Variants in VPS72 observed in about 807,000 individuals in gnomAD.
The protein encoded by VPS72 is vacuolar protein sorting-associated protein 72 homolog.
Under a neutral mutation model 38.9 loss-of-function variants are expected in VPS72, and 27 were observed. That is an observed-to-expected ratio of 0.69 (90% CI 0.51 to 0.96). The LOEUF is 0.96. Ranked by LOEUF, VPS72 falls within the 40% of genes least tolerant of loss-of-function variation. The probability of loss-of-function intolerance (pLI) is 0.00; values close to 1 mark genes in which losing one functional copy is unlikely to be tolerated. For missense variants in VPS72, 360 were observed against 479.5 expected (o/e 0.75, Z 2.33); for synonymous variants, 173 against 186.3 (o/e 0.93, Z 0.58).
intron 4 of VPS72, among the ~76,000 whole-genome samples, chr1:151,180,318 CA>C (rs587629860): frequency 1.4e-3 from 186 of 129,858 alleles, no homozygotes; most frequent in Admixed American, 1.3e-3. Context: ...GACTCCGTCT[CA>C]AAAAAAAAAA....
In VPS72 at chr1:151,190,129, AC is replaced by A. The variant is rs1024029863; in HGVS notation, c.-9del. ...GCCCCCAGCCAAACTCATACCGCCT[AC>A]CGAGACTGCGCCGCCACCTGCAGCC... is the stretch of plus-strand genomic sequence containing the variant. On this transcript the variant is annotated 5_prime_UTR_variant, in exon 1 of 6. Coordinates refer to ENST00000368892, the MANE Select transcript of VPS72 (RefSeq NM_005997.3). 6.2e-7 allele frequency: 1 copy of A among 1,612,312 alleles called. No homozygotes were observed. The highest frequency in any genetic ancestry group is 8.5e-7 in the Non-Finnish European group (1 of 1,179,944).
intron 3 of VPS72, among the ~76,000 whole-genome samples, chr1:151,185,103 C>A (rs1000550546): frequency 2.6e-5 from 4 of 151,896 alleles, no homozygotes; most frequent in Admixed American, 1.3e-4. Context: ...ATTTTCCTAC[C>A]CATAGTAAGT....
rs146521707 is a variant in VPS72, at chr1:151,185,277, C to T, written c.385+229G>A. On this transcript the variant is annotated intron_variant, in intron 3 of 5. Transcript: ENST00000368892. ...AGTAGCTGGGATTACAGGGGCCCAC[C>T]ACCACACCTGGTTAATTTTTGTATT... 7.3e-3 allele frequency among the ~76,000 whole-genome samples: 1,110 copies of T among 152,154 alleles called. 23 individuals are homozygous for T. Among genetic ancestry groups the T allele is most frequent in the African/African-American group, 0.026 (1,074 of 41,516 alleles).
At position 151,183,421 on chromosome 1, in the gene VPS72, CAAAAAAAAAAAAAA is replaced by C. The variant is rs769884773; in HGVS notation, c.562+882_562+895del. On this transcript the variant is annotated intron_variant, in intron 4 of 5. Transcript: ENST00000368892. ...TGGGCGACAGAGTAAGACTCTGTCT[CAAAAAAAAAAAAAA>C]AAAAAAAAAGAAAGGAAAACCTGGG... Among the ~76,000 whole-genome samples the C allele has an allele frequency of 5.9e-5, 3 of 50,860 alleles. No individual in the cohort carries two copies. In the East Asian group the frequency reaches 2.1e-3, roughly 36 times the overall value. 33.4% of individuals were successfully genotyped at this position (50,860 alleles called of 152,430 possible). A position where few individuals can be genotyped will look rare whatever the true frequency, so the allele number is the denominator to read the frequency against.
At chr1:151,180,602 T>C (rs1684218015) in intron 4 of VPS72, among the ~76,000 whole-genome samples, 1 of 151,998 alleles carries the variant, frequency 6.6e-6, no homozygotes. Context: ...CATGCCCAGC[T>C]AATATTTGTA....
intron 5 of VPS72, 151 bp from the exon 6 acceptor site, chr1:151,177,182 C>T (rs938286560): frequency 1.1e-5 from 8 of 741,212 alleles, no homozygotes; most frequent in Middle Eastern, 4.0e-4. Flanking sequence ...GTCAGGAGTT[C>T]GAGACCAGCC....
In VPS72 at chr1:151,184,413, T is replaced by C; in HGVS notation, c.466A>G (p.Arg156Gly). The C allele has an allele frequency of 2.5e-6, 4 of 1,614,128 alleles. No individual in the cohort carries two copies. The South Asian group carries it at 4.4e-5, about 18-fold the overall frequency. The change falls in exon 4 of 6, where the codon AGA becomes GGA. Residue 156 changes from arginine (R) to glycine (G), a missense_variant. Arg to Gly is a moderately radical substitution (Grantham distance 125). Transcript: ENST00000368892. The part of the protein sequence containing the change: ...LRVQERQGQS[R>G]RRKGPHCERP... ...TCACAGTGGGGCCCCTTTCGCCGTC[T>C]TGACTGGCCCTGCCTCTCCTGTACC...
At chr1:151,183,754 G>A (rs1234746450) in intron 4 of VPS72, among the ~76,000 whole-genome samples, 2 of 152,166 alleles carry the variant, frequency 1.3e-5, no homozygotes, top group South Asian at 2.1e-4. Flanking sequence ...GAGCCACTGC[G>A]CTTGGCCCAA....
intron 3 of VPS72, 95 bp from the exon 4 acceptor site, chr1:151,184,588 T>TTA: frequency 7.4e-7 from 1 of 1,350,224 alleles, no homozygotes; most frequent in Non-Finnish European, 9.8e-7. Context: ...TAATTTTTTT[T>TTA]TCTTTTTTTT....
chr1:151,190,182 G>T lies in VPS72; in HGVS notation c.-61C>A. Reference sequence around the variant, plus strand: ...CTCACCAGCTCGGTTTTGGGAGCTCGACGCTCGACATCACTACCTGCGGGT... The same window carrying T: ...CTCACCAGCTCGGTTTTGGGAGCTCTACGCTCGACATCACTACCTGCGGGT... On this transcript the variant is annotated 5_prime_UTR_variant, in exon 1 of 6. Coordinates refer to ENST00000368892, the MANE Select transcript of VPS72 (RefSeq NM_005997.3). 1 of 1,572,116 alleles carries T rather than the reference G, an allele frequency of 6.4e-7. No homozygotes were observed. The highest frequency in any genetic ancestry group is 2.2e-5 in the East Asian group (1 of 44,698).
At chr1:151,188,082 G>C (rs1022259489) in intron 1 of VPS72, among the ~76,000 whole-genome samples, 2 of 150,478 alleles carry the variant, frequency 1.3e-5, no homozygotes, top group African/African-American at 4.9e-5. Context: ...TCACTCTGTC[G>C]CCCAGGCTGG....
chr1:151,181,057 C>T lies in VPS72; in HGVS notation c.563-2912G>A, dbSNP rs587678838. On this transcript the variant is annotated intron_variant, in intron 4 of 5. Transcript: ENST00000368892. ...AGAGTCTAGATTAACTTCTCTCCTT[C>T]CTAGTCATGGTCACTCCTTCATTCA... Among the ~76,000 whole-genome samples, 111 of 152,280 alleles carry T rather than the reference C, an allele frequency of 7.3e-4. 2 individuals carry two copies. In the South Asian group the frequency reaches 8.5e-3, roughly 12 times the overall value.
chr1:151,180,940 T>C (rs1248807218), intron 4 of VPS72, among the ~76,000 whole-genome samples: 1 of 152,206 alleles, frequency 6.6e-6, no homozygotes, highest in Non-Finnish European at 1.5e-5. Context: ...CTACAGGATA[T>C]ACCTATGTCC....
At chr1:151,184,228 T>A in intron 4 of VPS72, 89 bp downstream of exon 4, 1 of 1,499,968 alleles carries the variant, frequency 6.7e-7, no homozygotes, top group African/African-American at 1.4e-5. Context: ...CAAATTTCCA[T>A]CTCTCCAGTT....
Position 151,176,791 on chromosome 1 carries a change from G to C in VPS72, c.948C>G (p.Phe316Leu), listed in dbSNP as rs1684111324. The change falls in exon 6 of 6, where the codon TTC (phenylalanine) becomes TTG (leucine). Residue 316 changes from phenylalanine to leucine, a missense_variant. Phe to Leu is a conservative substitution (Grantham distance 22). Coordinates refer to ENST00000368892, the MANE Select transcript of VPS72 (RefSeq NM_005997.3). ...TCTTGTAAGCCTCACGAATGATCTT[G>C]AAGGCTCGAGCAGTGGCATAGGGTA... ...TDIPYATARA[F>L]KIIREAYKKY... 2 of 1,614,204 alleles carry C rather than the reference G, an allele frequency of 1.2e-6. No individual in the cohort carries two copies. Among genetic ancestry groups the C allele is most frequent in the East Asian group, 4.5e-5 (2 of 44,890 alleles).
intron 3 of VPS72, among the ~76,000 whole-genome samples, chr1:151,185,191 G>A (rs1369854209): frequency 6.6e-6 from 1 of 151,556 alleles, no homozygotes; most frequent in African/African-American, 2.4e-5. Flanking sequence ...GCCCAGGCTG[G>A]AGTGCAATGG....
rs1684125052 is a variant in VPS72 at position 151,177,046 on chromosome 1, C to A, written c.708-15G>T. The A allele has an allele frequency of 1.3e-6, 2 of 1,529,160 alleles. No homozygotes were observed. The highest frequency in any genetic ancestry group is 8.8e-7 in the Non-Finnish European group (1 of 1,140,242). 94.7% of individuals were successfully genotyped at this position (1,529,160 alleles called of 1,614,324 possible). On this transcript the variant is annotated splice_polypyrimidine_tract_variant and intron_variant, in intron 5 of 5. Transcript: ENST00000368892. ...CAGGATCAAGTCTGAGGACAAAAGA[C>A]AAGGAAAAACACAAAGAGCTGAGGA...
Position 151,176,520 on chromosome 1 carries a change from A to G in VPS72, c.*124T>C. ...AACGAAACCTGTAAGAACTAGGGGA[A>G]AAGGAAAAAGAAACAGATTAGGCAA... On this transcript the variant is annotated 3_prime_UTR_variant, in exon 6 of 6. Coordinates refer to ENST00000368892, the MANE Select transcript of VPS72 (RefSeq NM_005997.3). 6.9e-7 allele frequency: 1 copy of G among 1,443,340 alleles called. No homozygotes were observed. The highest frequency in any genetic ancestry group is 9.3e-7 in the Non-Finnish European group (1 of 1,078,950). The allele number at this position is 1,443,340 out of a possible 1,614,324, so 89.4% of individuals were successfully genotyped here.
intron 5 of VPS72, 170 bp from the exon 6 acceptor site, chr1:151,177,201 A>G (rs1369449724): frequency 4.7e-6 from 3 of 644,218 alleles, no homozygotes; most frequent in Non-Finnish European, 7.6e-6. Context: ...CCTGACTAAC[A>G]AGGTGAAACC....
Sources: allele counts gnomAD v4.1 joint callset (sites outside exome capture counted in the v4.1 genomes callset), GRCh38; gene constraint gnomAD v4.1.1; transcripts MANE v1.5; gene names NCBI Gene and HGNC (gene_info 2026-07-23, HGNC 2026-07-21).